FHIT: variants seen among roughly 807,000 people sequenced by gnomAD.
FHIT encodes fragile histidine triad diadenosine triphosphatase, also known as bis(5'-adenosyl)-triphosphatase.
FHIT carries 19 observed loss-of-function variants against 17.9 expected under a neutral mutation model. The observed-to-expected ratio is 1.06, with a 90% CI of 0.74 to 1.56. The LOEUF is 1.56. Ranked by LOEUF, FHIT falls within the 40% of genes most tolerant of loss-of-function variation. FHIT has a pLI of 0.00. For synonymous variants in FHIT, 81 were observed against 69.7 expected, an observed-to-expected ratio of 1.16 and a Z score of -0.81; for missense variants, 248 against 189.2, an observed-to-expected ratio of 1.31 and a Z score of -1.82.
intron 5 of FHIT, among the ~76,000 whole-genome samples, chr3:60,508,688 C>G (rs2034830738): frequency 1.3e-5 from 2 of 151,952 alleles, no homozygotes; most frequent in South Asian, 4.2e-4. Context: ...GAATTCTATT[C>G]CTTCTATTTA....
chr3:59,868,673 T>C (rs1702769335), intron 8 of FHIT, among the ~76,000 whole-genome samples: 2 of 152,178 alleles, frequency 1.3e-5, no homozygotes, highest in African/African-American at 4.8e-5. Context: ...CATTCAGAAA[T>C]TCAAAATGCT....
intron 8 of FHIT, among the ~76,000 whole-genome samples, chr3:59,795,750 A>G (rs1392138902): frequency 6.6e-6 from 1 of 152,188 alleles, no homozygotes; most frequent in Non-Finnish European, 1.5e-5. Context: ...TACAATTAAT[A>G]AATAAAAAGT....
intron 5 of FHIT, among the ~76,000 whole-genome samples, chr3:60,272,710 A>C (rs1019897859): frequency 2.0e-5 from 3 of 152,170 alleles, no homozygotes; most frequent in Non-Finnish European, 4.4e-5. Context: ...TGTAATCCTA[A>C]AACTCAGTTA....
At chr3:60,426,403 C>T (rs904468946) in intron 5 of FHIT, among the ~76,000 whole-genome samples, 1 of 152,084 alleles carries the variant, frequency 6.6e-6, no homozygotes. Flanking sequence ...CCCCTTCCCA[C>T]GAATTCCCTC....
rs973340828 is a variant in FHIT, at chr3:60,066,469, G to A, written c.104-52317C>T. ...TTATATTCTCATGTCCACAGCATGT[G>A]TTTAGAAATATGTGGATAACAAGAT... On this transcript the variant is annotated intron_variant, in intron 5 of 9. Coordinates refer to ENST00000492590, the MANE Select transcript of FHIT (RefSeq NM_002012.4). Among the ~76,000 whole-genome samples the A allele has an allele frequency of 1.2e-4, 19 of 152,124 alleles. 1 individual carries two copies. Among genetic ancestry groups the A allele is most frequent in the South Asian group, 4.1e-4 (2 of 4,824 alleles).
chr3:60,024,671 G>A (rs1398620389), intron 5 of FHIT, among the ~76,000 whole-genome samples: 1 of 152,128 alleles, frequency 6.6e-6, no homozygotes, highest in Non-Finnish European at 1.5e-5. Flanking sequence ...AAATATAAGG[G>A]GTGAGATGAG....
chr3:60,638,199 T>G (rs1168296602), intron 4 of FHIT, among the ~76,000 whole-genome samples: 2 of 152,174 alleles, frequency 1.3e-5, no homozygotes, highest in African/African-American at 4.8e-5. Context: ...CTTTCCTGTA[T>G]GGACAACCTT....
At chr3:61,125,145 A>G (rs1435761321) in intron 2 of FHIT, among the ~76,000 whole-genome samples, 2 of 152,246 alleles carry the variant, frequency 1.3e-5, no homozygotes, top group Non-Finnish European at 2.9e-5. Flanking sequence ...GATTCACGGA[A>G]GAATGGTTTA....
chr3:60,723,486 T>C (rs1048491492), intron 4 of FHIT, among the ~76,000 whole-genome samples: 2 of 152,212 alleles, frequency 1.3e-5, no homozygotes, highest in Admixed American at 1.3e-4. Context: ...GGGTATGTGC[T>C]AGGCAGATCA....
At chr3:60,113,390 C>G (rs542585846) in intron 5 of FHIT, among the ~76,000 whole-genome samples, 1 of 150,740 alleles carries the variant, frequency 6.6e-6, no homozygotes, top group South Asian at 2.1e-4. Context: ...GCCAGCTTAG[C>G]AGTTTATTTA....
At chr3:61,079,509 A>G (rs768815801) in intron 2 of FHIT, among the ~76,000 whole-genome samples, 2 of 152,238 alleles carry the variant, frequency 1.3e-5, no homozygotes, top group Non-Finnish European at 2.9e-5. Context: ...TTTTCTGTTC[A>G]TAATAAATAA....
chr3:60,204,444 G>GTTTTTTTTTTTTTTTTTT, intron 5 of FHIT, among the ~76,000 whole-genome samples: 1 of 114,974 alleles, frequency 8.7e-6, no homozygotes, highest in Non-Finnish European at 1.9e-5. Flanking sequence ...TAATATTCTG[G>GTTTTTTTTTTTTTTTTTT]TTTTTTTTTT....
chr3:60,278,412 GA>G (rs1707272083), intron 5 of FHIT, among the ~76,000 whole-genome samples: 1 of 151,960 alleles, frequency 6.6e-6, no homozygotes, highest in Middle Eastern at 3.2e-3. Context: ...GTCAGGGGAC[GA>G]AAAAAGGGCT....
intron 5 of FHIT, among the ~76,000 whole-genome samples, chr3:60,354,859 TG>T (rs781537410): frequency 2.0e-5 from 3 of 152,264 alleles, no homozygotes; most frequent in East Asian, 1.9e-4. Flanking sequence ...AAATTGGACT[TG>T]ACTTTGAGGA....
At chr3:59,802,893 A>AAATT (rs1299985248) in intron 8 of FHIT, among the ~76,000 whole-genome samples, 2 of 152,208 alleles carry the variant, frequency 1.3e-5, no homozygotes, top group African/African-American at 4.8e-5. Context: ...CTGTCCTCTG[A>AAATT]AATTAGGGGC....
chr3:60,816,572 C>A (rs934840954), intron 4 of FHIT, among the ~76,000 whole-genome samples: 2 of 151,952 alleles, frequency 1.3e-5, no homozygotes, highest in East Asian at 3.9e-4. Flanking sequence ...AATTTGCATG[C>A]CAGAATGAAG....
chr3:60,854,379 T>C (rs1553749283), intron 3 of FHIT, among the ~76,000 whole-genome samples: 1 of 152,098 alleles, frequency 6.6e-6, no homozygotes, highest in African/African-American at 2.4e-5. Context: ...TTCAGATGCA[T>C]TAATTGCAAT....
chr3:60,404,193 T>C (rs1022909433), intron 5 of FHIT, among the ~76,000 whole-genome samples: 30 of 152,200 alleles, frequency 2.0e-4, no homozygotes, highest in African/African-American at 7.0e-4. Flanking sequence ...ATTCTTTCCT[T>C]GCTTTGTGTG....
intron 5 of FHIT, among the ~76,000 whole-genome samples, chr3:60,049,939 TC>T (rs1701804833): frequency 1.3e-5 from 2 of 152,216 alleles, no homozygotes; most frequent in African/African-American, 4.8e-5. Flanking sequence ...TTTTTATGCA[TC>T]CTCACTAATA....
Sources: gnomAD v4.1 joint callset for allele counts (sites outside exome capture counted in the v4.1 genomes callset) on GRCh38, gnomAD v4.1.1 for gene constraint, MANE v1.5 for transcripts, NCBI Gene and HGNC (gene_info 2026-07-23, HGNC 2026-07-21) for gene names.